The following PCDH15 variants were observed in gnomAD, a reference collection of about 807,000 sequenced individuals.
PCDH15 encodes protocadherin related 15.
In PCDH15, 129 loss-of-function variants were observed where a neutral mutation model predicts 178.5. The observed-to-expected ratio is 0.72, with a 90% CI of 0.63 to 0.84. PCDH15 has a LOEUF of 0.84. Ranked by LOEUF, PCDH15 falls within the 40% of genes least tolerant of loss-of-function variation. The pLI, the probability that PCDH15 is intolerant of heterozygous loss-of-function variation, is 0.00. For synonymous variants in PCDH15, 800 were observed against 732.0 expected, an observed-to-expected ratio of 1.09 and a Z score of -1.50; for missense variants, 2,230 against 2,099.9, an observed-to-expected ratio of 1.06 and a Z score of -1.21.
At chr10:54,938,700 ACT>A (rs1309172514) in intron 2 of PCDH15, among the ~76,000 whole-genome samples, 1 of 152,114 alleles carries the variant, frequency 6.6e-6, no homozygotes, top group East Asian at 1.9e-4. Context: ...ATGGCAAAAG[ACT>A]CTGCAAATAT....
intron 11 of PCDH15, among the ~76,000 whole-genome samples, chr10:54,190,768 T>C (rs567326553): frequency 6.6e-6 from 1 of 152,340 alleles, no homozygotes; most frequent in East Asian, 1.9e-4. Flanking sequence ...TTTAAAGTTT[T>C]CTTTTCATAA....
chr10:55,249,640 G>T (rs923306756), intron 1 of PCDH15, among the ~76,000 whole-genome samples: 11 of 152,086 alleles, frequency 7.2e-5, no homozygotes, highest in African/African-American at 2.7e-4. Flanking sequence ...TCTAATTGTT[G>T]TATTAGTAAG....
chr10:54,906,398 G>A (rs1055217381), intron 2 of PCDH15, among the ~76,000 whole-genome samples: 3 of 151,684 alleles, frequency 2.0e-5, no homozygotes, highest in Non-Finnish European at 4.4e-5. Flanking sequence ...TTTCAATCCA[G>A]AACTGTTAAT....
intron 1 of PCDH15, among the ~76,000 whole-genome samples, chr10:54,764,864 G>C (rs548173617): frequency 6.6e-6 from 1 of 152,040 alleles, no homozygotes; most frequent in African/African-American, 2.4e-5. Flanking sequence ...CAAAGAGCCT[G>C]GTAAGAGGAA....
chr10:54,462,299 C>CATAT (rs995360821), intron 3 of PCDH15, among the ~76,000 whole-genome samples: 1 of 139,790 alleles, frequency 7.2e-6, no homozygotes, highest in African/African-American at 2.9e-5. Context: ...CACACACACA[C>CATAT]ATATATATAT....
At chr10:55,228,917 T>G (rs1841133319) in intron 1 of PCDH15, among the ~76,000 whole-genome samples, 1 of 151,974 alleles carries the variant, frequency 6.6e-6, no homozygotes, top group Non-Finnish European at 1.5e-5. Context: ...TTTTAATGAT[T>G]AGCTAAGCTC....
At chr10:55,027,700 T>C (rs542508191) in intron 2 of PCDH15, among the ~76,000 whole-genome samples, 119 of 151,946 alleles carry the variant, frequency 7.8e-4, no homozygotes, top group Middle Eastern at 3.4e-3. Flanking sequence ...GGACTCTAAT[T>C]TAGGAGAGTA....
intron 1 of PCDH15, among the ~76,000 whole-genome samples, chr10:54,684,926 T>A (rs183414613): frequency 1.8e-4 from 27 of 152,136 alleles, no homozygotes; most frequent in African/African-American, 6.5e-4. Flanking sequence ...ATAAAATTTT[T>A]AATTTTTAAC....
chr10:54,711,721 G>A (rs1001401866), intron 1 of PCDH15, among the ~76,000 whole-genome samples: 1 of 151,364 alleles, frequency 6.6e-6, no homozygotes, highest in African/African-American at 2.4e-5. Context: ...ATATACAGGA[G>A]TTTATTCATT....
chr10:54,746,578 C>A (rs1338040300), intron 1 of PCDH15, among the ~76,000 whole-genome samples: 3 of 151,964 alleles, frequency 2.0e-5, no homozygotes, highest in Non-Finnish European at 4.4e-5. Context: ...ATCTTATGTA[C>A]CCCATAAATA....
intron 2 of PCDH15, among the ~76,000 whole-genome samples, chr10:55,448,934 AT>A (rs1839374749): frequency 6.6e-6 from 1 of 152,050 alleles, no homozygotes; most frequent in South Asian, 2.1e-4. Context: ...AGAATTTTCA[AT>A]TCTTTTATCA....
chr10:55,172,210 G>A (rs974526576), intron 1 of PCDH15, among the ~76,000 whole-genome samples: 15 of 151,744 alleles, frequency 9.9e-5, no homozygotes, highest in African/African-American at 3.4e-4. Flanking sequence ...AGGGAACCTT[G>A]ACTGACAAAA....
intron 1 of PCDH15, among the ~76,000 whole-genome samples, chr10:54,770,593 C>T (rs2133259110): frequency 6.6e-6 from 1 of 152,108 alleles, no homozygotes; most frequent in Non-Finnish European, 1.5e-5. Flanking sequence ...ATACATTTCC[C>T]ATCCTTTTAC....
chr10:55,458,714 G>A (rs143971612), intron 2 of PCDH15, among the ~76,000 whole-genome samples: 91 of 152,090 alleles, frequency 6.0e-4, no homozygotes, highest in African/African-American at 2.2e-3. Context: ...TCATCAAGAA[G>A]TAACCAATAG....
Position 55,605,080 on chromosome 10 carries a change from C to T in PCDH15, c.-156+22545G>A, listed in dbSNP as rs969382396. On this transcript the variant is annotated intron_variant, in intron 2 of 5. Coordinates refer to the PCDH15 transcript ENST00000613346. ...AAAGGGGATATCACCACCGATCCCACAGAAATACAAACTACCATCAGAGAA... is the reference window on the plus strand; with the variant it reads ...AAAGGGGATATCACCACCGATCCCATAGAAATACAAACTACCATCAGAGAA... Among the ~76,000 whole-genome samples, 56 of 151,482 alleles carry T rather than the reference C, an allele frequency of 3.7e-4. 1 individual carries two copies. Among genetic ancestry groups the T allele is most frequent in the Non-Finnish European group, 2.2e-4 (15 of 67,656 alleles).
chr10:54,404,377 A>G (rs1257722319), intron 3 of PCDH15, among the ~76,000 whole-genome samples: 1 of 152,042 alleles, frequency 6.6e-6, no homozygotes, highest in East Asian at 1.9e-4. Flanking sequence ...CATGCCTCCA[A>G]CTATCTGATC....
At position 55,385,693 on chromosome 10, in the gene PCDH15, C is replaced by CTATATATATATATA. The variant is rs57143868; in HGVS notation, c.-155-219056_-155-219043dup. ...AGCCCACTCTATCTTCTTCCTCTGC[C>CTATATATATATATA]TATATATATATATATATATATATAT... On this transcript the variant is annotated intron_variant, in intron 2 of 5. Transcript: ENST00000613346. Among the ~76,000 whole-genome samples, 18 of 128,740 alleles carry CTATATATATATATA rather than the reference C, an allele frequency of 1.4e-4. No homozygotes were observed. In the South Asian group the frequency reaches 1.6e-3, roughly 11 times the overall value. 84.5% of individuals were successfully genotyped at this position (128,740 alleles called of 152,430 possible).
At chr10:53,904,704 G>A (rs2082554767) in intron 25 of PCDH15, among the ~76,000 whole-genome samples, 1 of 152,088 alleles carries the variant, frequency 6.6e-6, no homozygotes, top group African/African-American at 2.4e-5. Context: ...GCTCTGACTT[G>A]TACCTTAGTC....
chr10:54,711,198 CTG>C (rs1306153178), intron 1 of PCDH15, among the ~76,000 whole-genome samples: 2 of 151,948 alleles, frequency 1.3e-5, no homozygotes, highest in East Asian at 3.9e-4. Flanking sequence ...CATTGAATAG[CTG>C]TGTGTACCAT....
Sources: allele counts gnomAD v4.1 joint callset (sites outside exome capture counted in the v4.1 genomes callset), GRCh38; gene constraint gnomAD v4.1.1; transcripts MANE v1.5; gene names NCBI Gene and HGNC (gene_info 2026-07-23, HGNC 2026-07-21).